The following ERLEC1 variants were observed in gnomAD, a reference collection of about 807,000 sequenced individuals.
ERLEC1 encodes the protein ER lectin.
Under a neutral mutation model 68.0 loss-of-function variants are expected in ERLEC1, and 47 were observed. The observed-to-expected ratio is 0.69, with a 90% CI of 0.55 to 0.88. The LOEUF (loss-of-function observed/expected upper bound fraction) is 0.88. ERLEC1 is among the 40% of genes least tolerant of loss of function. The pLI is 0.00. For synonymous variants in ERLEC1, 225 were observed against 203.2 expected (o/e 1.11, Z -0.91); for missense variants, 567 against 583.8 (o/e 0.97, Z 0.30).
chr2:53,792,161 C>T (rs1317361722), intron 1 of ERLEC1, among the ~76,000 whole-genome samples: 1 of 151,742 alleles, frequency 6.6e-6, no homozygotes, highest in African/African-American at 2.4e-5. Context: ...ATCTGATCCG[C>T]CCGTTTCGGC....
chr2:53,804,195 G>T (rs142076348), intron 8 of ERLEC1, among the ~76,000 whole-genome samples: 1 of 152,102 alleles, frequency 6.6e-6, no homozygotes, highest in African/African-American at 2.4e-5. Flanking sequence ...ATTTTTGTGG[G>T]TACATAGCAG....
intron 10 of ERLEC1, among the ~76,000 whole-genome samples, chr2:53,810,046 G>A (rs573710926): frequency 6.6e-6 from 1 of 152,236 alleles, no homozygotes; most frequent in East Asian, 1.9e-4. Context: ...GCGAGACTCT[G>A]TCTCAAAAAA....
At chr2:53,789,149 A>G (rs2104266088) in intron 1 of ERLEC1, among the ~76,000 whole-genome samples, 1 of 152,180 alleles carries the variant, frequency 6.6e-6, no homozygotes, top group African/African-American at 2.4e-5. Context: ...TAATCCCAGC[A>G]CTTTGGGAGG....
Position 53,809,212 on chromosome 2 carries a change from A to G in ERLEC1, c.1042-2A>G, listed in dbSNP as rs1445411500. 1 of 1,579,524 alleles carries G rather than the reference A, an allele frequency of 6.3e-7. No homozygotes were observed. The highest frequency in any genetic ancestry group is 2.0e-5 in the Admixed American group (1 of 50,900). On this transcript the variant is annotated splice_acceptor_variant, in intron 9 of 13. Coordinates refer to ENST00000185150, the MANE Select transcript of ERLEC1 (RefSeq NM_015701.5). LOFTEE classifies it high-confidence loss of function. ...GATCTAATATGTTTTCTTTTTTTTT[A>G]GGGTGTCGGTTGGTGGAAATATGAA...
chr2:53,807,810 C>T lies in ERLEC1; in HGVS notation c.880-489C>T, dbSNP rs183286422. 6.0e-4 allele frequency among the ~76,000 whole-genome samples: 91 copies of T among 152,034 alleles called. No homozygotes were observed. In the Middle Eastern group the frequency reaches 0.017, roughly 28 times the overall value. ...TTACTTGAGGTCAGTATGAGAACAGCCTGGCCAACATGGTGAAAGCCCATC... is the reference window on the plus strand; with the variant it reads ...TTACTTGAGGTCAGTATGAGAACAGTCTGGCCAACATGGTGAAAGCCCATC... On this transcript the variant is annotated intron_variant, in intron 8 of 13. Coordinates refer to ENST00000185150, the MANE Select transcript of ERLEC1 (RefSeq NM_015701.5).
intron 6 of ERLEC1, 80 bp from the exon 7 acceptor site, chr2:53,801,317 A>G (rs1675989319): frequency 4.2e-6 from 4 of 960,094 alleles, no homozygotes; most frequent in Non-Finnish European, 3.1e-6. Flanking sequence ...TCTTCCTTTC[A>G]GAATAATAAG....
At chr2:53,796,943 G>A (rs1675744684) in intron 3 of ERLEC1, among the ~76,000 whole-genome samples, 1 of 144,098 alleles carries the variant, frequency 6.9e-6, no homozygotes, top group Non-Finnish European at 1.5e-5. Flanking sequence ...CCAGGCTGGA[G>A]TGCAGTGGCA....
intron 2 of ERLEC1, among the ~76,000 whole-genome samples, chr2:53,794,679 G>A (rs1025253338): frequency 4.6e-5 from 7 of 151,630 alleles, no homozygotes; most frequent in African/African-American, 7.3e-5. Context: ...ATTTTGAGAC[G>A]AAGTCTCACT....
intron 13 of ERLEC1, 59 bp from the exon 14 acceptor site, chr2:53,817,839 A>G: frequency 1.0e-6 from 1 of 961,956 alleles, no homozygotes; most frequent in Non-Finnish European, 1.7e-6. Flanking sequence ...ATTCAGCAGA[A>G]TAGTACTGAA....
In ERLEC1 at chr2:53,801,786, A is replaced by C. The variant is rs769639216; in HGVS notation, c.823A>C (p.Arg275=). The C allele has an allele frequency of 6.2e-7, 1 of 1,613,946 alleles. No individual in the cohort carries two copies. Among genetic ancestry groups the C allele is most frequent in the Non-Finnish European group, 8.5e-7 (1 of 1,179,850 alleles). ...ATCTCCATTTAAGCCCCTCACCCTG[A>C]GGCAGCTGGAGCAGCAGGAAGAAAT... ...PGSPFKPLTL[R]QLEQQEEILR... Residue 275 remains arginine (R), a synonymous_variant, in exon 8 of 14, where the codon AGG becomes CGG. Transcript: ENST00000185150.
chr2:53,787,634 C>G, intron 1 of ERLEC1: 2 of 383,066 alleles, frequency 5.2e-6, no homozygotes, highest in Non-Finnish European at 9.3e-6. Context: ...CCTTGCTTCC[C>G]AACATTCCCA....
At chr2:53,814,466 C>A in intron 11 of ERLEC1, 77 bp from the exon 12 acceptor site, 2 of 995,974 alleles carry the variant, frequency 2.0e-6, no homozygotes, top group Non-Finnish European at 3.1e-6. Context: ...CTCTAACCAT[C>A]TTCTCACCCT....
At chr2:53,810,775 T>G (rs1388731839) in intron 10 of ERLEC1, among the ~76,000 whole-genome samples, 2 of 152,240 alleles carry the variant, frequency 1.3e-5, no homozygotes, top group East Asian at 3.8e-4. Context: ...TGTTTTGTTT[T>G]GTTTTTCACT....
chr2:53,804,740 G>C (rs1676189605), intron 8 of ERLEC1, among the ~76,000 whole-genome samples: 1 of 151,990 alleles, frequency 6.6e-6, no homozygotes. Context: ...TCAAGTAGTA[G>C]GTCTTGTTCA....
intron 8 of ERLEC1, among the ~76,000 whole-genome samples, chr2:53,807,219 G>A (rs1017016893): frequency 1.3e-5 from 2 of 152,056 alleles, no homozygotes; most frequent in Non-Finnish European, 2.9e-5. Flanking sequence ...TCTTCCTCAA[G>A]TCTATATGCA....
intron 3 of ERLEC1, among the ~76,000 whole-genome samples, chr2:53,796,536 T>G (rs1200196142): frequency 6.6e-6 from 1 of 152,080 alleles, no homozygotes; most frequent in Non-Finnish European, 1.5e-5. Flanking sequence ...CACGATTCAC[T>G]GCAGCCCCAA....
chr2:53,814,333 G>A lies in ERLEC1; in HGVS notation c.1227-210G>A, dbSNP rs13384001. 8.9e-3 allele frequency among the ~76,000 whole-genome samples: 1,361 copies of A among 152,280 alleles called. 23 individuals carry two copies. Among genetic ancestry groups the A allele is most frequent in the African/African-American group, 0.031 (1,286 of 41,554 alleles). Reference sequence around the variant, plus strand: ...AAATAATTATTAACTAAGCCAGTATGAAGTATCTCTTATATTCTCTTTATA... The same window carrying A: ...AAATAATTATTAACTAAGCCAGTATAAAGTATCTCTTATATTCTCTTTATA... On this transcript the variant is annotated intron_variant, in intron 11 of 13. Coordinates refer to ENST00000185150, the MANE Select transcript of ERLEC1 (RefSeq NM_015701.5).
intron 10 of ERLEC1, among the ~76,000 whole-genome samples, chr2:53,809,917 G>A (rs1676500203): frequency 6.6e-6 from 1 of 151,940 alleles, no homozygotes; most frequent in African/African-American, 2.4e-5. Flanking sequence ...AAATTAGCCA[G>A]GTGCATGCCT....
intron 1 of ERLEC1, among the ~76,000 whole-genome samples, chr2:53,791,448 T>G (rs1321540012): frequency 6.6e-6 from 1 of 152,222 alleles, no homozygotes; most frequent in Non-Finnish European, 1.5e-5. Flanking sequence ...GTAAAACCTG[T>G]TTTATACAAT....
Sources: allele counts gnomAD v4.1 joint callset (sites outside exome capture counted in the v4.1 genomes callset), GRCh38; gene constraint gnomAD v4.1.1; transcripts MANE v1.5; gene names NCBI Gene and HGNC (gene_info 2026-07-23, HGNC 2026-07-21).